Variants in SPTBN1 observed in about 807,000 individuals in gnomAD.
The protein encoded by SPTBN1 is spectrin beta, non-erythrocytic 1.
A neutral mutation model predicts 266.4 loss-of-function variants in SPTBN1; 32 were observed. The observed-to-expected ratio is 0.12, with a 90% confidence interval of 0.09 to 0.16. The LOEUF (loss-of-function observed/expected upper bound fraction) is 0.16. Among genes scored for constraint, SPTBN1 ranks in the 10% least tolerant of loss-of-function variants. The probability of loss-of-function intolerance (pLI) is 1.00; values close to 1 mark genes in which losing one functional copy is unlikely to be tolerated. For synonymous variants in SPTBN1, 1,336 were observed against 1,162.2 expected (o/e 1.15, Z -3.04); for missense variants, 2,296 against 3,067.1 (o/e 0.75, Z 5.94).
At chr2:54,524,129 G>T in intron 1 of SPTBN1, among the ~76,000 whole-genome samples, 1 of 152,122 alleles carries the variant, frequency 6.6e-6, no homozygotes. Flanking sequence ...AACCCAGGAG[G>T]CGGAGGCTGC....
At chr2:54,539,750 C>T (rs1302519607) in intron 2 of SPTBN1, among the ~76,000 whole-genome samples, 1 of 152,110 alleles carries the variant, frequency 6.6e-6, no homozygotes, top group Non-Finnish European at 1.5e-5. Context: ...CCATGTTGTC[C>T]AGGCTGGTCT....
intron 2 of SPTBN1, among the ~76,000 whole-genome samples, chr2:54,536,355 C>T (rs1415606147): frequency 2.0e-5 from 3 of 152,308 alleles, no homozygotes; most frequent in Middle Eastern, 3.4e-3. Flanking sequence ...CAACGCAGCT[C>T]TCTAGAATTT....
intron 1 of SPTBN1, among the ~76,000 whole-genome samples, chr2:54,519,632 T>C (rs956838016): frequency 4.6e-5 from 7 of 152,212 alleles, no homozygotes; most frequent in African/African-American, 1.7e-4. Flanking sequence ...TCATTTTCTC[T>C]CCTAAGGCTT....
intron 2 of SPTBN1, among the ~76,000 whole-genome samples, chr2:54,545,174 C>A (rs756547036): frequency 8.5e-5 from 13 of 152,160 alleles, no homozygotes; most frequent in Admixed American, 7.9e-4. Context: ...TCCAATGTAT[C>A]ATTAATGGGC....
intron 1 of SPTBN1, among the ~76,000 whole-genome samples, chr2:54,499,969 A>G (rs949826134): frequency 2.6e-5 from 4 of 152,248 alleles, no homozygotes; most frequent in Non-Finnish European, 5.9e-5. Flanking sequence ...CGCAAATGGT[A>G]ATTGAAATGT....
At chr2:54,659,384 G>A (rs1157111732) in intron 31 of SPTBN1, 118 bp downstream of exon 31, 2 of 970,646 alleles carry the variant, frequency 2.1e-6, no homozygotes, top group African/African-American at 1.6e-5. Flanking sequence ...CCTACTGATT[G>A]CTTCCATAGA....
At chr2:54,478,618 C>T (rs1364619746) in intron 1 of SPTBN1, among the ~76,000 whole-genome samples, 2 of 152,178 alleles carry the variant, frequency 1.3e-5, no homozygotes, top group Non-Finnish European at 2.9e-5. Context: ...GAAACTATTG[C>T]TGTTAACAGA....
intron 2 of SPTBN1, among the ~76,000 whole-genome samples, chr2:54,569,747 T>C (rs1433524095): frequency 6.6e-6 from 1 of 152,182 alleles, no homozygotes; most frequent in Non-Finnish European, 1.5e-5. Context: ...TAGGTGAGAT[T>C]CTGTGTGGAA....
chr2:54,483,092 G>T (rs1002980881), intron 1 of SPTBN1, among the ~76,000 whole-genome samples: 1 of 152,162 alleles, frequency 6.6e-6, no homozygotes, highest in Non-Finnish European at 1.5e-5. Flanking sequence ...GCCGAGGAAT[G>T]CCCTGGAAGG....
At chr2:54,647,786 T>G (rs1680018905) in intron 24 of SPTBN1, among the ~76,000 whole-genome samples, 1 of 152,196 alleles carries the variant, frequency 6.6e-6, no homozygotes, top group African/African-American at 2.4e-5. Context: ...GAGTCTACAG[T>G]GAACCATGTT....
chr2:54,475,131 G>A (rs558148403), intron 1 of SPTBN1, among the ~76,000 whole-genome samples: 32 of 152,282 alleles, frequency 2.1e-4, no homozygotes, highest in African/African-American at 6.7e-4. Flanking sequence ...ACTTGAGCCC[G>A]GGAGGCAGAG....
At chr2:54,633,825 G>C (rs1572719721) in intron 17 of SPTBN1, among the ~76,000 whole-genome samples, 2 of 152,298 alleles carry the variant, frequency 1.3e-5, no homozygotes, top group African/African-American at 4.8e-5. Context: ...GGATTACTCT[G>C]TTTCCAATAA....
At chr2:54,471,776 G>C (rs1693930078) in intron 1 of SPTBN1, among the ~76,000 whole-genome samples, 1 of 139,048 alleles carries the variant, frequency 7.2e-6, no homozygotes. Flanking sequence ...GTGTTACCAA[G>C]AGGTGCTTTC....
chr2:54,666,506 T>C (rs1558486652), intron 34 of SPTBN1, among the ~76,000 whole-genome samples: 1 of 152,242 alleles, frequency 6.6e-6, no homozygotes, highest in Non-Finnish European at 1.5e-5. Flanking sequence ...TGAGTCATCC[T>C]GGAGCTGGAT....
chr2:54,495,852 C>G lies in SPTBN1; in HGVS notation c.-47-30520C>G, dbSNP rs568366436. 4.6e-4 allele frequency among the ~76,000 whole-genome samples: 70 copies of G among 151,950 alleles called. 1 individual carries two copies. The highest frequency in any genetic ancestry group is 1.6e-3 in the African/African-American group (68 of 41,470). On this transcript the variant is annotated intron_variant, in intron 1 of 35. Transcript: ENST00000356805. ...TTTTGTTTAAAAATTCTGGGAAAAC[C>G]ATAATTACTTTATTAAAAAGCAAGT... is the stretch of plus-strand genomic sequence containing the variant.
intron 11 of SPTBN1, 150 bp from the exon 12 acceptor site, chr2:54,625,782 G>A (rs1678281258): frequency 2.5e-6 from 2 of 809,836 alleles, no homozygotes; most frequent in East Asian, 5.6e-5. Context: ...GTAGAGACAG[G>A]GTTTCACAAT....
chr2:54,517,078 T>TGGGAAATATTACTATACTC (rs1266048803), intron 1 of SPTBN1, among the ~76,000 whole-genome samples: 2 of 150,514 alleles, frequency 1.3e-5, no homozygotes, highest in African/African-American at 5.0e-5. Context: ...AGAATAGAGT[T>TGGGAAATATTACTATACTC]TGAGTATTTC....
rs1366326491 is a variant in SPTBN1 at position 54,543,456 on chromosome 2, GGAA to G, written c.148+16891_148+16893del. Among the ~76,000 whole-genome samples, 235 of 152,262 alleles carry G rather than the reference GGAA, an allele frequency of 1.5e-3. No homozygotes were observed. In the Middle Eastern group the frequency reaches 0.024, roughly 15 times the overall value. ...ATGAGGAGAAGCCAAGGAGGAGGCA[GGAA>G]CATTCAAAAGGCACATGTTCTGATG... On this transcript the variant is annotated intron_variant, in intron 2 of 35. Transcript: ENST00000356805.
At position 54,503,776 on chromosome 2, in the gene SPTBN1, G is replaced by T. The variant is rs1354492366; in HGVS notation, c.-47-22596G>T. Among the ~76,000 whole-genome samples the T allele has an allele frequency of 5.9e-5, 9 of 152,198 alleles. No homozygotes were observed. The East Asian group carries it at 1.7e-3, about 29-fold the overall frequency. Reference sequence around the variant, plus strand: ...CATAACTATTCATCCCTCAGTAGCTGAGTGTGGTTACAATGAATGGCTTTC... The same window carrying T: ...CATAACTATTCATCCCTCAGTAGCTTAGTGTGGTTACAATGAATGGCTTTC... On this transcript the variant is annotated intron_variant, in intron 1 of 35. Coordinates refer to ENST00000356805, the MANE Select transcript of SPTBN1 (RefSeq NM_003128.3).
Sources: allele counts gnomAD v4.1 joint callset (sites outside exome capture counted in the v4.1 genomes callset), GRCh38; gene constraint gnomAD v4.1.1; transcripts MANE v1.5; gene names NCBI Gene and HGNC (gene_info 2026-07-23, HGNC 2026-07-21).